The following STK33 variants were observed in gnomAD, a reference collection of about 807,000 sequenced individuals.
STK33 encodes the protein serine/threonine-protein kinase 33.
A neutral mutation model predicts 58.0 loss-of-function variants in STK33; 52 were observed. The observed-to-expected ratio is 0.90, with a 90% CI of 0.72 to 1.13. The LOEUF (loss-of-function observed/expected upper bound fraction) is 1.13. STK33 is among the 50% of genes most tolerant of loss of function. STK33 has a pLI of 0.00. For synonymous variants in STK33, 215 were observed against 200.1 expected (o/e 1.07, Z -0.63); for missense variants, 630 against 604.2 (o/e 1.04, Z -0.45).
At chr11:8,550,310 C>G (rs1390025314) in intron 1 of STK33, among the ~76,000 whole-genome samples, 1 of 151,924 alleles carries the variant, frequency 6.6e-6, no homozygotes, top group African/African-American at 2.4e-5. Context: ...TCATTCATTT[C>G]TGCTCTGATC....
intron 1 of STK33, among the ~76,000 whole-genome samples, chr11:8,492,911 C>A (rs1295117859): frequency 6.6e-6 from 1 of 152,106 alleles, no homozygotes; most frequent in African/African-American, 2.4e-5. Flanking sequence ...AGAACGAAGA[C>A]AAAACGTACC....
intron 14 of STK33, among the ~76,000 whole-genome samples, chr11:8,429,226 G>C (rs556814650): frequency 6.6e-6 from 1 of 152,240 alleles, no homozygotes; most frequent in South Asian, 2.1e-4. Flanking sequence ...ATGTTTATAT[G>C]ATAAATTATA....
At chr11:8,418,180 A>G (rs1476885793) in intron 14 of STK33, among the ~76,000 whole-genome samples, 2 of 151,918 alleles carry the variant, frequency 1.3e-5, no homozygotes, top group African/African-American at 4.8e-5. Context: ...CGTTGGACAG[A>G]TTATTTTGTC....
At chr11:8,462,112 C>T (rs999049751) in intron 7 of STK33, among the ~76,000 whole-genome samples, 1 of 151,886 alleles carries the variant, frequency 6.6e-6, no homozygotes, top group Non-Finnish European at 1.5e-5. Flanking sequence ...CCCTTCTTTC[C>T]TTTGTCCAAT....
intron 1 of STK33, among the ~76,000 whole-genome samples, chr11:8,559,960 A>T (rs1037116676): frequency 6.6e-5 from 10 of 152,218 alleles, no homozygotes; most frequent in African/African-American, 2.4e-4. Context: ...TTATCCATAT[A>T]TATATTTACA....
chr11:8,494,609 C>T (rs12223092), intron 1 of STK33, among the ~76,000 whole-genome samples: 15,667 of 151,964 alleles, frequency 0.1, 985 homozygotes, highest in East Asian at 0.27. Context: ...AAAGTTCATA[C>T]GGAACCAAAA....
At chr11:8,502,294 A>G (rs1951574901) in intron 1 of STK33, among the ~76,000 whole-genome samples, 1 of 152,204 alleles carries the variant, frequency 6.6e-6, no homozygotes, top group South Asian at 2.1e-4. Context: ...ACAGACACAC[A>G]CCAATGGAAC....
chr11:8,593,976 C>G (rs1240218970), intron 1 of STK33, 107 bp downstream of exon 1: 4 of 152,296 alleles, frequency 2.6e-5, no homozygotes, highest in Admixed American at 1.3e-4. Context: ...CCCAGAGGCC[C>G]GTTTTTCCAC....
At chr11:8,510,125 T>C (rs1248071411) in intron 1 of STK33, among the ~76,000 whole-genome samples, 1 of 152,234 alleles carries the variant, frequency 6.6e-6, no homozygotes, top group Non-Finnish European at 1.5e-5. Context: ...CCACTAGCAG[T>C]GTAAAAGTGT....
chr11:8,509,956 G>T (rs572787345), intron 1 of STK33, among the ~76,000 whole-genome samples: 1 of 152,158 alleles, frequency 6.6e-6, no homozygotes, highest in Non-Finnish European at 1.5e-5. Context: ...GAATTATGCT[G>T]CTATAAACGT....
Position 8,473,187 on chromosome 11 carries a change from C to T in STK33, c.315G>A (p.Arg105=), listed in dbSNP as rs267603222. 6.2e-7 allele frequency: 1 copy of T among 1,613,084 alleles called. No individual in the cohort carries two copies. Among genetic ancestry groups the T allele is most frequent in the Non-Finnish European group, 8.5e-7 (1 of 1,179,524 alleles). Residue 105 remains arginine, a synonymous_variant, in exon 6 of 16, where the codon AGG becomes AGA. Transcript: ENST00000687296. ...NFTEGKVPHI[R]IENGAAIEEI... is the part of the protein sequence containing the mutation. ...CCTCAATAGCAGCTCCATTCTCAAT[C>T]CTTATGTGAGGAACTTTTCCTTCTG...
At chr11:8,450,016 C>T (rs997129717) in intron 11 of STK33, among the ~76,000 whole-genome samples, 1 of 152,098 alleles carries the variant, frequency 6.6e-6, no homozygotes, top group Non-Finnish European at 1.5e-5. Flanking sequence ...GGATCTAGAA[C>T]TAGAAATACC....
chr11:8,486,409 G>C (rs1950198103), intron 1 of STK33, among the ~76,000 whole-genome samples: 1 of 150,838 alleles, frequency 6.6e-6, no homozygotes, highest in East Asian at 2.0e-4. Flanking sequence ...TCTCAGCCTG[G>C]AACACTCTTT....
chr11:8,518,869 T>C (rs1183936853), intron 1 of STK33, among the ~76,000 whole-genome samples: 1 of 152,198 alleles, frequency 6.6e-6, no homozygotes, highest in Admixed American at 6.6e-5. Context: ...TGAAGAGACT[T>C]AGACTCCCAC....
intron 6 of STK33, among the ~76,000 whole-genome samples, chr11:8,470,378 C>G (rs1202877386): frequency 6.6e-6 from 1 of 152,192 alleles, no homozygotes; most frequent in Non-Finnish European, 1.5e-5. Flanking sequence ...GAAAACAGGG[C>G]CTTGCTCTGG....
chr11:8,529,656 ATAG>A (rs1393584736), intron 1 of STK33, among the ~76,000 whole-genome samples: 1 of 152,184 alleles, frequency 6.6e-6, no homozygotes, highest in African/African-American at 2.4e-5. Context: ...GGCAAAGGTA[ATAG>A]TAGGAGATGT....
At chr11:8,335,673 G>A in the STK33 span, among the ~76,000 whole-genome samples, 1 of 151,972 alleles carries the variant, frequency 6.6e-6, no homozygotes, top group African/African-American at 2.4e-5. Context: ...AAAGTTTCCA[G>A]GAGTCACATT....
At chr11:8,354,517 C>CACACACACACACA in the STK33 span, among the ~76,000 whole-genome samples, 171 of 146,272 alleles carry the variant, frequency 1.2e-3, no homozygotes, top group Middle Eastern at 3.4e-3. Context: ...CACACACACA[C>CACACACACACACA]CCCTCAGACA....
intron 14 of STK33, among the ~76,000 whole-genome samples, chr11:8,424,451 G>A (rs546285080): frequency 5.9e-5 from 9 of 151,286 alleles, no homozygotes; most frequent in Non-Finnish European, 1.0e-4. Flanking sequence ...ATAAACATAC[G>A]TGTGCATGTG....
Sources: allele counts gnomAD v4.1 joint callset (sites outside exome capture counted in the v4.1 genomes callset), GRCh38; gene constraint gnomAD v4.1.1; transcripts MANE v1.5; gene names NCBI Gene and HGNC (gene_info 2026-07-23, HGNC 2026-07-21).